CHD6: variants seen among roughly 807,000 people sequenced by gnomAD.
The protein encoded by CHD6 is ATP-dependent chromatin remodeler CHD6.
A neutral mutation model predicts 276.9 loss-of-function variants in CHD6; 50 were observed. That is an observed-to-expected ratio of 0.18 (90% CI 0.14 to 0.23). The LOEUF is 0.23. Ranked by LOEUF, CHD6 falls within the 10% of genes least tolerant of loss-of-function variation. The pLI is 1.00. For synonymous variants in CHD6, 1,173 were observed against 1,229.3 expected (o/e 0.95, Z 0.96); for missense variants, 2,564 against 3,365.8 (o/e 0.76, Z 5.89).
intron 27 of CHD6, among the ~76,000 whole-genome samples, chr20:41,431,088 C>T (rs1379563917): frequency 6.6e-6 from 1 of 152,118 alleles, no homozygotes; most frequent in Non-Finnish European, 1.5e-5. Flanking sequence ...CCGCCTCAGC[C>T]TCCCAAAGGC....
intron 25 of CHD6, among the ~76,000 whole-genome samples, chr20:41,444,500 C>G (rs2048003774): frequency 6.6e-6 from 1 of 152,176 alleles, no homozygotes; most frequent in Non-Finnish European, 1.5e-5. Context: ...ACAAAGGGTT[C>G]TCAGCAGCAC....
chr20:41,617,645 C>T (rs527689446), intron 1 of CHD6, among the ~76,000 whole-genome samples: 2 of 152,232 alleles, frequency 1.3e-5, no homozygotes, highest in South Asian at 2.1e-4. Flanking sequence ...CTCCAACATG[C>T]GATCTAATAA....
At chr20:41,505,314 G>A (rs1408616936) in intron 5 of CHD6, among the ~76,000 whole-genome samples, 1 of 152,118 alleles carries the variant, frequency 6.6e-6, no homozygotes, top group Non-Finnish European at 1.5e-5. Flanking sequence ...CTAGCTTCCT[G>A]GGATACCCCA....
chr20:41,591,582 A>G lies in CHD6; in HGVS notation c.-24+26758T>C, dbSNP rs565699169. ...GTAGCGTGTGCCTATAATACCAGCT[A>G]TTCGGGAGGCTGAGGCAGGAGAATC... On this transcript the variant is annotated intron_variant, in intron 1 of 36. Transcript: ENST00000373233. Among the ~76,000 whole-genome samples, 289 of 152,220 alleles carry G rather than the reference A, an allele frequency of 1.9e-3. 1 individual carries two copies. The highest frequency in any genetic ancestry group is 1.7e-3 in the Non-Finnish European group (113 of 68,004).
intron 3 of CHD6, among the ~76,000 whole-genome samples, chr20:41,516,412 G>T (rs1351532868): frequency 1.3e-5 from 2 of 152,106 alleles, no homozygotes; most frequent in Non-Finnish European, 2.9e-5. Context: ...GACCTCAAAT[G>T]ATCTGCCTGC....
chr20:41,473,250 C>T lies in CHD6; in HGVS notation c.2664+72G>A. ...TAGAGCATCACGGATGCTCTGTAGCCAAGCCAGGCCCTATCATGATGTTCT... is the reference window on the plus strand; with the variant it reads ...TAGAGCATCACGGATGCTCTGTAGCTAAGCCAGGCCCTATCATGATGTTCT... On this transcript the variant is annotated intron_variant, in intron 17 of 36. Transcript: ENST00000373233. The surrounding 1 kb of genome is among the most constrained non-coding windows in gnomAD (Gnocchi z 4.1). 1 of 1,469,636 alleles carries T rather than the reference C, an allele frequency of 6.8e-7. No homozygotes were observed. The highest frequency in any genetic ancestry group is 9.4e-7 in the Non-Finnish European group (1 of 1,069,182). 91.0% of individuals were successfully genotyped at this position (1,469,636 alleles called of 1,614,324 possible). A position where few individuals can be genotyped will look rare whatever the true frequency, so the allele number is the denominator to read the frequency against.
rs567779311 is a variant in CHD6 at position 41,508,335 on chromosome 20, C to A, written c.852+4511G>T. On this transcript the variant is annotated intron_variant, in intron 5 of 36. Coordinates refer to ENST00000373233, the MANE Select transcript of CHD6 (RefSeq NM_032221.5). ...GTGTAGCCACATCTTTAAAAAAAAA[C>A]ACACAAAACACAGGAGTTTTGATCT... Among the ~76,000 whole-genome samples the A allele has an allele frequency of 6.4e-3, 970 of 151,876 alleles. 11 individuals carry two copies. Among genetic ancestry groups the A allele is most frequent in the Middle Eastern group, 0.021 (6 of 290 alleles).
intron 25 of CHD6, among the ~76,000 whole-genome samples, chr20:41,441,243 T>C (rs1193117427): frequency 6.6e-6 from 1 of 152,172 alleles, no homozygotes; most frequent in African/African-American, 2.4e-5. Context: ...CATTATATAG[T>C]CAGTACCTAG....
Position 41,413,487 on chromosome 20 carries a change from G to A in CHD6, c.6968C>T (p.Thr2323Ile). The A allele has an allele frequency of 6.3e-7, 1 of 1,597,892 alleles. No homozygotes were observed. The highest frequency in any genetic ancestry group is 1.1e-5 in the South Asian group (1 of 88,968). The stretch of plus-strand genomic sequence containing the variant: ...CCCCTCAGGGTGTGTGGTGCTCAAG[G>A]TGGCCTGCCCTGGGTCTTCATGGAC... ...LEVHEDPGQA[T>I]LSTTHPEGPG... The change falls in exon 35 of 37, where the codon ACC becomes ATC. Residue 2323 changes from threonine (T) to isoleucine (I), a missense_variant. This residue lies in a region of CHD6 where 1,024 missense variants were observed against 1,047.9 expected (regional missense o/e 0.98). Transcript: ENST00000373233.
chr20:41,469,125 G>A (rs1413210523), intron 17 of CHD6, among the ~76,000 whole-genome samples: 3 of 152,154 alleles, frequency 2.0e-5, no homozygotes, highest in Non-Finnish European at 4.4e-5. Context: ...TCTGGCGATT[G>A]TGGAAAGGGC....
intron 1 of CHD6, among the ~76,000 whole-genome samples, chr20:41,569,209 C>T (rs372074591): frequency 6.6e-6 from 1 of 152,208 alleles, no homozygotes; most frequent in South Asian, 2.1e-4. Flanking sequence ...TGTCCTGGTT[C>T]TCCCAATCTG....
At chr20:41,509,405 T>C (rs1601040679) in intron 5 of CHD6, among the ~76,000 whole-genome samples, 1 of 152,120 alleles carries the variant, frequency 6.6e-6, no homozygotes, top group African/African-American at 2.4e-5. Flanking sequence ...AACAAAAAAC[T>C]TGGCAGGTGT....
chr20:41,554,104 T>C (rs1448746284), intron 1 of CHD6, among the ~76,000 whole-genome samples: 1 of 152,174 alleles, frequency 6.6e-6, no homozygotes, highest in Non-Finnish European at 1.5e-5. Flanking sequence ...GAGATCACAC[T>C]ACTGTACTCC....
chr20:41,494,608 TAAGTA>T (rs1211354303), intron 8 of CHD6, among the ~76,000 whole-genome samples: 1 of 152,156 alleles, frequency 6.6e-6, no homozygotes. Context: ...TCAGAGATAT[TAAGTA>T]ATGTGACCAA....
At chr20:41,596,528 T>C (rs2045719375) in intron 1 of CHD6, among the ~76,000 whole-genome samples, 1 of 151,770 alleles carries the variant, frequency 6.6e-6, no homozygotes, top group South Asian at 2.1e-4. Context: ...GGTCAAAATA[T>C]CCCTGCAGCA....
rs1238513769 is a variant in CHD6, at chr20:41,533,649, T to C, written c.34-79A>G. ...AAGAGAGTTACCCAGTTTGAATACA[T>C]GGATTTGCTCAACAAATATTTACTG... On this transcript the variant is annotated intron_variant, in intron 2 of 36. Transcript: ENST00000373233. 7 of 1,288,280 alleles carry C rather than the reference T, an allele frequency of 5.4e-6. No individual in the cohort carries two copies. The Admixed American group carries it at 1.3e-4, about 24-fold the overall frequency. 79.8% of individuals were successfully genotyped at this position (1,288,280 alleles called of 1,614,324 possible). A position where few individuals can be genotyped will look rare whatever the true frequency, so the allele number is the denominator to read the frequency against.
At position 41,502,043 on chromosome 20, in the gene CHD6, CACAGATT is replaced by C. The variant is rs201378916; in HGVS notation, c.853-2693_853-2687del. The stretch of plus-strand genomic sequence containing the variant: ...TTAAATAAGAGTCCTCTCTCAGATA[CACAGATT>C]ACAAACATTTTCTACCAGTCTATGG... On this transcript the variant is annotated intron_variant, in intron 5 of 36. Transcript: ENST00000373233. 1.2e-4 allele frequency among the ~76,000 whole-genome samples: 18 copies of C among 152,308 alleles called. No homozygotes were observed. The East Asian group carries it at 3.5e-3, about 29-fold the overall frequency.
chr20:41,610,357 T>C (rs1049472504), intron 1 of CHD6, among the ~76,000 whole-genome samples: 1 of 152,172 alleles, frequency 6.6e-6, no homozygotes, highest in African/African-American at 2.4e-5. Flanking sequence ...AAATTGCTTC[T>C]ATTAACAAAT....
At chr20:41,437,784 C>T (rs1461849534) in intron 26 of CHD6, among the ~76,000 whole-genome samples, 1 of 152,316 alleles carries the variant, frequency 6.6e-6, no homozygotes, top group Non-Finnish European at 1.5e-5. Context: ...ACAAGGAGGG[C>T]TGACAATAGA....
Sources: gnomAD v4.1 joint callset for allele counts (sites outside exome capture counted in the v4.1 genomes callset) on GRCh38, gnomAD v4.1.1 for gene constraint, gnomAD v4.1.1 regional missense constraint, Gnocchi (gnomAD v3.1) non-coding constraint, MANE v1.5 for transcripts, NCBI Gene and HGNC (gene_info 2026-07-23, HGNC 2026-07-21) for gene names.